TANGO6: variants seen among roughly 807,000 people sequenced by gnomAD.
TANGO6 encodes the protein transport and Golgi organization protein 6 homolog.
In TANGO6, 90 loss-of-function variants were observed where a neutral mutation model predicts 114.2. The observed-to-expected ratio is 0.79, with a 90% CI of 0.66 to 0.94. The LOEUF (loss-of-function observed/expected upper bound fraction) is 0.94, where lower values mean the gene tolerates loss of function less well. Among genes scored for constraint, TANGO6 ranks in the 40% least tolerant of loss-of-function variants. The pLI, the probability that TANGO6 is intolerant of heterozygous loss-of-function variation, is 0.00. For missense variants in TANGO6, 1,274 were observed against 1,315.3 expected (o/e 0.97, Z 0.49); for synonymous variants, 477 against 509.8 (o/e 0.94, Z 0.87).
intron 17 of TANGO6, among the ~76,000 whole-genome samples, chr16:69,073,253 T>C (rs1474647220): frequency 6.6e-6 from 1 of 152,174 alleles, no homozygotes; most frequent in Non-Finnish European, 1.5e-5. Flanking sequence ...CCCCAAGCCA[T>C]TTCCTTGGTG....
chr16:69,020,900 A>ATGTGTGTG lies in TANGO6; in HGVS notation c.2843-1925_2843-1924insGTGTGTGT, dbSNP rs764050755. Reference sequence around the variant, plus strand: ...AGACCCACCCCCCCTTTATATATGTATGTATGTGTGTGTGTGTGTGTGTGT... The same window carrying ATGTGTGTG: ...AGACCCACCCCCCCTTTATATATGTATGTGTGTGTGTATGTGTGTGTGTGTGTGTGTGT... On this transcript the variant is annotated intron_variant, in intron 15 of 17. Transcript: ENST00000261778. 4.9e-3 allele frequency among the ~76,000 whole-genome samples: 620 copies of ATGTGTGTG among 126,434 alleles called. 9 individuals are homozygous for ATGTGTGTG. The highest frequency in any genetic ancestry group is 0.021 in the African/African-American group (577 of 27,844). 82.9% of individuals were successfully genotyped at this position (126,434 alleles called of 152,430 possible).
Position 68,878,867 on chromosome 16 carries a change from G to T in TANGO6, c.1294+587G>T, listed in dbSNP as rs184410194. On this transcript the variant is annotated intron_variant, in intron 6 of 17. Coordinates refer to ENST00000261778, the MANE Select transcript of TANGO6 (RefSeq NM_024562.2). ...GCGGGCAGATTGCTTGAGCCCAGGA[G>T]TTCGAGACCACTGGGGCAACATGGC... Among the ~76,000 whole-genome samples, 93 of 152,022 alleles carry T rather than the reference G, an allele frequency of 6.1e-4. No individual in the cohort carries two copies. The Middle Eastern group carries it at 0.01, about 17-fold the overall frequency.
At chr16:68,847,445 G>C (rs1961830601) in intron 1 of TANGO6, among the ~76,000 whole-genome samples, 1 of 152,174 alleles carries the variant, frequency 6.6e-6, no homozygotes, top group Admixed American at 6.5e-5. Context: ...ATCACCAGTA[G>C]AGGGCAGAGA....
At chr16:68,852,343 T>C (rs1352652729) in intron 1 of TANGO6, among the ~76,000 whole-genome samples, 1 of 152,192 alleles carries the variant, frequency 6.6e-6, no homozygotes, top group Non-Finnish European at 1.5e-5. Context: ...CTATTATAAA[T>C]CATGCAGTAT....
intron 3 of TANGO6, among the ~76,000 whole-genome samples, chr16:68,864,554 C>T (rs1317126665): frequency 6.6e-6 from 1 of 151,948 alleles, no homozygotes; most frequent in African/African-American, 2.4e-5. Context: ...GCACTTCAGC[C>T]TGGGCAACAG....
chr16:69,002,040 G>A (rs1964049623), intron 15 of TANGO6, among the ~76,000 whole-genome samples: 1 of 152,106 alleles, frequency 6.6e-6, no homozygotes, highest in Non-Finnish European at 1.5e-5. Flanking sequence ...GCAAAACAGA[G>A]CAGAGCCTTA....
rs528147546 is a variant in TANGO6, at chr16:68,980,666, C to G, written c.2842+6498C>G. Reference sequence around the variant, plus strand: ...GAACTTTAGGTGCGTGCCACCACACCCAGCAAGGCTTTATATATTTTTATG... The same window carrying G: ...GAACTTTAGGTGCGTGCCACCACACGCAGCAAGGCTTTATATATTTTTATG... On this transcript the variant is annotated intron_variant, in intron 15 of 17. Transcript: ENST00000261778. 9.9e-5 allele frequency among the ~76,000 whole-genome samples: 15 copies of G among 151,624 alleles called. No individual in the cohort carries two copies. The East Asian group carries it at 2.9e-3, about 29-fold the overall frequency.
At chr16:69,040,173 G>C in intron 16 of TANGO6, 135 bp from the exon 17 acceptor site, 1 of 715,484 alleles carries the variant, frequency 1.4e-6, no homozygotes, top group Non-Finnish European at 2.3e-6. Flanking sequence ...CTTTGTTGAG[G>C]ATTAAGCAAC....
chr16:69,082,907 A>C (rs139911527), intron 17 of TANGO6, among the ~76,000 whole-genome samples: 6 of 152,188 alleles, frequency 3.9e-5, no homozygotes, highest in Non-Finnish European at 8.8e-5. Context: ...GGTCTCTGCC[A>C]TGCTTTGGGA....
chr16:69,055,087 T>C (rs1040439043), intron 17 of TANGO6, among the ~76,000 whole-genome samples: 3 of 152,122 alleles, frequency 2.0e-5, no homozygotes, highest in African/African-American at 4.8e-5. Flanking sequence ...TGTATGCATA[T>C]GTTCAGTCCA....
intron 15 of TANGO6, among the ~76,000 whole-genome samples, chr16:68,981,660 G>A (rs140459275): frequency 1.5e-3 from 224 of 152,290 alleles, no homozygotes; most frequent in African/African-American, 4.8e-3. Context: ...ATTATTAAAT[G>A]CATCTTTTTG....
chr16:69,041,721 G>A (rs562026243), intron 17 of TANGO6, among the ~76,000 whole-genome samples: 10 of 152,264 alleles, frequency 6.6e-5, no homozygotes, highest in Admixed American at 2.0e-4. Context: ...CCTTGTATAG[G>A]TTGAGGTTTG....
At chr16:68,992,940 G>A (rs12051016) in intron 15 of TANGO6, among the ~76,000 whole-genome samples, 52 of 152,138 alleles carry the variant, frequency 3.4e-4, no homozygotes, top group East Asian at 5.8e-4. Flanking sequence ...GTGGTGGCTC[G>A]CGCCTGTAGT....
intron 14 of TANGO6, among the ~76,000 whole-genome samples, chr16:68,966,998 C>G (rs906301795): frequency 2.0e-5 from 3 of 152,144 alleles, no homozygotes; most frequent in Non-Finnish European, 4.4e-5. Flanking sequence ...TCTCAAACCC[C>G]TGACTGCAAG....
intron 15 of TANGO6, among the ~76,000 whole-genome samples, chr16:69,008,501 C>T (rs1192405822): frequency 2.0e-5 from 3 of 152,202 alleles, no homozygotes; most frequent in South Asian, 2.1e-4. Flanking sequence ...CCCACTTAAG[C>T]CTCCCAAAGG....
intron 16 of TANGO6, among the ~76,000 whole-genome samples, chr16:69,037,172 G>A (rs906585289): frequency 6.6e-6 from 1 of 151,880 alleles, no homozygotes; most frequent in Non-Finnish European, 1.5e-5. Flanking sequence ...GCCCTTGAAG[G>A]GAAAGCCCTT....
intron 14 of TANGO6, among the ~76,000 whole-genome samples, chr16:68,956,307 C>T (rs1423766990): frequency 6.6e-6 from 1 of 152,158 alleles, no homozygotes; most frequent in East Asian, 1.9e-4. Flanking sequence ...ACATAAGAAC[C>T]TGCATTTACT....
chr16:68,929,428 G>T (rs140253611), intron 13 of TANGO6, among the ~76,000 whole-genome samples: 54 of 152,192 alleles, frequency 3.5e-4, no homozygotes, highest in African/African-American at 1.2e-3. Flanking sequence ...CTCCATAAAA[G>T]ATTCCCTACC....
chr16:68,919,383 A>G (rs926960078), intron 12 of TANGO6, among the ~76,000 whole-genome samples, 164 bp downstream of exon 12: 1 of 152,256 alleles, frequency 6.6e-6, no homozygotes, highest in Non-Finnish European at 1.5e-5. Context: ...AAAGTAGAGA[A>G]CAAGAAAGTT....
Sources: gnomAD v4.1 joint callset for allele counts (sites outside exome capture counted in the v4.1 genomes callset) on GRCh38, gnomAD v4.1.1 for gene constraint, MANE v1.5 for transcripts, NCBI Gene and HGNC (gene_info 2026-07-23, HGNC 2026-07-21) for gene names.